Variants in DLGAP1 observed in about 807,000 individuals in gnomAD.
The protein encoded by DLGAP1 is disks large-associated protein 1.
A neutral mutation model predicts 90.8 loss-of-function variants in DLGAP1; 11 were observed. The ratio of observed to expected loss-of-function variants is 0.12; its 90% CI spans 0.08 to 0.20. The LOEUF is 0.20. DLGAP1 is among the 10% of genes least tolerant of loss of function. The pLI is 1.00. For synonymous variants in DLGAP1, 558 were observed against 540.7 expected, an observed-to-expected ratio of 1.03 and a Z score of -0.44; for missense variants, 1,050 against 1,333.8, an observed-to-expected ratio of 0.79 and a Z score of 3.31.
intron 4 of DLGAP1, chr18:3,845,479 A>T (rs2148657716): frequency 7.7e-7 from 1 of 1,298,406 alleles, no homozygotes; most frequent in East Asian, 2.8e-5. Context: ...ATGAAATAAA[A>T]CCCTATAGCT....
intron 7 of DLGAP1, among the ~76,000 whole-genome samples, chr18:3,706,116 C>T (rs924740295): frequency 2.0e-5 from 3 of 151,942 alleles, no homozygotes; most frequent in Non-Finnish European, 4.4e-5. Context: ...CCTGCCTCAG[C>T]TTCCCAAGTA....
intron 1 of DLGAP1, among the ~76,000 whole-genome samples, chr18:4,422,815 C>T (rs887936011): frequency 8.6e-5 from 13 of 151,858 alleles, no homozygotes; most frequent in African/African-American, 2.2e-4. Context: ...TAAGAAAAAG[C>T]GAGCCTACAG....
intron 5 of DLGAP1, among the ~76,000 whole-genome samples, chr18:3,791,319 G>A (rs1322593468): frequency 2.0e-5 from 3 of 152,090 alleles, no homozygotes; most frequent in Non-Finnish European, 4.4e-5. Flanking sequence ...AGAAATCAGC[G>A]CAGATGGGAA....
At chr18:4,009,620 C>T (rs1247319057) in intron 2 of DLGAP1, among the ~76,000 whole-genome samples, 1 of 152,194 alleles carries the variant, frequency 6.6e-6, no homozygotes, top group Admixed American at 6.5e-5. Context: ...ATAGGGTTCT[C>T]TTCCTCCTTT....
intron 7 of DLGAP1, among the ~76,000 whole-genome samples, chr18:3,673,175 G>A (rs72857769): frequency 0.075 from 11,416 of 152,126 alleles, 586 homozygotes; most frequent in Non-Finnish European, 0.11. Context: ...ACCTCTGTGC[G>A]TGCCTGGGGA....
At chr18:3,707,259 CT>C (rs2061463519) in intron 7 of DLGAP1, among the ~76,000 whole-genome samples, 1 of 151,856 alleles carries the variant, frequency 6.6e-6, no homozygotes, top group African/African-American at 2.4e-5. Context: ...AGATCTCTAT[CT>C]TTGGAAGAGA....
intron 5 of DLGAP1, among the ~76,000 whole-genome samples, chr18:3,772,394 TTCTTTCTTTCTTTCTC>T (rs2064706990): frequency 3.1e-5 from 1 of 32,438 alleles, no homozygotes. Flanking sequence ...CTTTCTTTCT[TTCTTTCTTTCTTTCTC>T]TTTCTTTCTT....
At chr18:4,141,243 G>T (rs1313369789) in intron 2 of DLGAP1, among the ~76,000 whole-genome samples, 1 of 151,772 alleles carries the variant, frequency 6.6e-6, no homozygotes, top group Non-Finnish European at 1.5e-5. Flanking sequence ...TTTTTCCCAA[G>T]ATTTCAAATG....
intron 1 of DLGAP1, among the ~76,000 whole-genome samples, chr18:4,207,666 G>A (rs2077750225): frequency 6.6e-6 from 1 of 152,074 alleles, no homozygotes. Flanking sequence ...CTTGGGAGAG[G>A]CCAAACACAG....
chr18:4,183,356 GAA>G (rs1291396845), intron 1 of DLGAP1, among the ~76,000 whole-genome samples: 3 of 152,072 alleles, frequency 2.0e-5, no homozygotes, highest in Non-Finnish European at 4.4e-5. Context: ...TATTTAGAAA[GAA>G]GAGAGATATA....
chr18:3,753,730 C>T (rs2063595960), intron 5 of DLGAP1, among the ~76,000 whole-genome samples: 1 of 152,132 alleles, frequency 6.6e-6, no homozygotes. Context: ...TGGAAGTATG[C>T]CTTCACATAC....
chr18:4,194,716 A>G (rs1247349120), intron 1 of DLGAP1, among the ~76,000 whole-genome samples: 1 of 152,250 alleles, frequency 6.6e-6, no homozygotes, highest in East Asian at 1.9e-4. Context: ...AAAGTTATAT[A>G]CCAGTTTTGA....
chr18:4,057,462 A>G (rs1257529287), intron 2 of DLGAP1, among the ~76,000 whole-genome samples: 1 of 152,180 alleles, frequency 6.6e-6, no homozygotes, highest in South Asian at 2.1e-4. Flanking sequence ...GCATGTGGAC[A>G]GCCCACCCTA....
chr18:3,602,056 C>CA lies in DLGAP1; in HGVS notation c.1592-19809dup, dbSNP rs138428180. Among the ~76,000 whole-genome samples, 1,383 of 151,912 alleles carry CA rather than the reference C, an allele frequency of 9.1e-3. 30 individuals carry two copies. Among genetic ancestry groups the CA allele is most frequent in the African/African-American group, 0.03 (1,252 of 41,450 alleles). ...ATAAAACATATGATTTACCTTGGCCCACTATAATTTTGCACTACAGGGTGG... is the reference window on the plus strand; with the variant it reads ...ATAAAACATATGATTTACCTTGGCCCAACTATAATTTTGCACTACAGGGTGG... On this transcript the variant is annotated intron_variant, in intron 7 of 12. Transcript: ENST00000315677.
At chr18:3,756,580 A>T (rs2063727483) in intron 5 of DLGAP1, among the ~76,000 whole-genome samples, 1 of 152,106 alleles carries the variant, frequency 6.6e-6, no homozygotes, top group Non-Finnish European at 1.5e-5. Context: ...AGAGCAATTT[A>T]AATCCAGTGC....
rs183451526 is a variant in DLGAP1 at position 4,346,563 on chromosome 18, G to C, written c.-267+108443C>G. Among the ~76,000 whole-genome samples, 1,000 of 152,214 alleles carry C rather than the reference G, an allele frequency of 6.6e-3. 9 individuals carry two copies. Among genetic ancestry groups the C allele is most frequent in the Admixed American group, 0.013 (198 of 15,272 alleles). ...GTTATCATTTCAGTTTTACAAATTA[G>C]GAAACTGATAATCGGGGAATTAGAT... On this transcript the variant is annotated intron_variant, in intron 1 of 12. Coordinates refer to ENST00000315677, the MANE Select transcript of DLGAP1 (RefSeq NM_004746.4).
chr18:3,997,030 C>CT (rs5822780), intron 3 of DLGAP1, among the ~76,000 whole-genome samples: 35,374 of 85,898 alleles, frequency 0.41, 12,611 homozygotes, highest in East Asian at 0.88. Flanking sequence ...GCAGAGTTTT[C>CT]TTTTTTTTTT....
intron 5 of DLGAP1, among the ~76,000 whole-genome samples, chr18:3,761,180 A>C (rs1226924444): frequency 6.6e-6 from 1 of 152,150 alleles, no homozygotes; most frequent in African/African-American, 2.4e-5. Flanking sequence ...GCCACTGTGC[A>C]TCTCCAAAAG....
At chr18:3,584,920 T>C (rs1181629091) in intron 7 of DLGAP1, among the ~76,000 whole-genome samples, 4 of 152,154 alleles carry the variant, frequency 2.6e-5, no homozygotes, top group Non-Finnish European at 5.9e-5. Flanking sequence ...ATCCAGCTAA[T>C]TTTTTATTTT....
Sources: allele counts gnomAD v4.1 joint callset (sites outside exome capture counted in the v4.1 genomes callset), GRCh38; gene constraint gnomAD v4.1.1; transcripts MANE v1.5; gene names NCBI Gene and HGNC (gene_info 2026-07-23, HGNC 2026-07-21).